USP15: variants seen among roughly 807,000 people sequenced by gnomAD.
The protein encoded by USP15 is ubiquitin carboxyl-terminal hydrolase 15.
USP15 carries 18 observed loss-of-function variants against 127.1 expected under a neutral mutation model. The ratio of observed to expected loss-of-function variants is 0.14; its 90% CI spans 0.10 to 0.21. The LOEUF is 0.21. USP15 is among the 10% of genes least tolerant of loss of function. The probability of loss-of-function intolerance (pLI) is 1.00; values close to 1 mark genes in which losing one functional copy is unlikely to be tolerated. For missense variants in USP15, 805 were observed against 1,159.9 expected, an observed-to-expected ratio of 0.69 and a Z score of 4.44; for synonymous variants, 364 against 393.7, an observed-to-expected ratio of 0.92 and a Z score of 0.89.
At chr12:62,326,824 T>C (rs2137304789) in intron 6 of USP15, among the ~76,000 whole-genome samples, 1 of 152,318 alleles carries the variant, frequency 6.6e-6, no homozygotes, top group African/African-American at 2.4e-5. Flanking sequence ...AATCTGCTAC[T>C]TTATTTGATT....
chr12:62,321,880 G>A (rs763027280), intron 5 of USP15, among the ~76,000 whole-genome samples: 21 of 152,112 alleles, frequency 1.4e-4, no homozygotes, highest in Non-Finnish European at 2.4e-4. Context: ...TTCTGTGAAA[G>A]ACCAAATAGT....
intron 8 of USP15, among the ~76,000 whole-genome samples, chr12:62,378,227 C>T (rs2066890535): frequency 6.6e-6 from 1 of 151,974 alleles, no homozygotes; most frequent in African/African-American, 2.4e-5. Flanking sequence ...ATAAAATGAA[C>T]ATATTGACTC....
intron 11 of USP15, among the ~76,000 whole-genome samples, chr12:62,387,267 T>C (rs1176249965): frequency 6.6e-6 from 1 of 152,160 alleles, no homozygotes; most frequent in Non-Finnish European, 1.5e-5. Context: ...TGAGATTACT[T>C]AAGGCTAAGG....
intron 21 of USP15, among the ~76,000 whole-genome samples, chr12:62,403,616 T>C (rs2067766156): frequency 6.6e-6 from 1 of 151,908 alleles, no homozygotes; most frequent in Non-Finnish European, 1.5e-5. Context: ...TCACCCTGAC[T>C]ATGAGGAAGA....
intron 1 of USP15, among the ~76,000 whole-genome samples, chr12:62,283,905 A>G (rs567553185): frequency 6.6e-6 from 1 of 152,276 alleles, no homozygotes; most frequent in East Asian, 1.9e-4. Context: ...TCGTGCCACC[A>G]CACTCCAGCC....
intron 6 of USP15, among the ~76,000 whole-genome samples, chr12:62,339,051 T>G (rs1253150579): frequency 6.6e-6 from 1 of 151,906 alleles, no homozygotes; most frequent in Non-Finnish European, 1.5e-5. Flanking sequence ...ATCTATAAAT[T>G]ACTTTGGGCA....
rs181695086 is a variant in USP15 at position 62,374,894 on chromosome 12, T to C, written c.916-6596T>C. Among the ~76,000 whole-genome samples the C allele has an allele frequency of 1.7e-4, 26 of 152,064 alleles. 1 individual carries two copies. Among genetic ancestry groups the C allele is most frequent in the Admixed American group, 4.6e-4 (7 of 15,256 alleles). On this transcript the variant is annotated intron_variant, in intron 8 of 21. Transcript: ENST00000280377. Reference sequence around the variant, plus strand: ...CAAGTAATTACATAACAAAAGAAAATCATATTTTGCATAATATTTCAGTTT... The same window carrying C: ...CAAGTAATTACATAACAAAAGAAAACCATATTTTGCATAATATTTCAGTTT...
chr12:62,300,768 A>G (rs1200816781), intron 2 of USP15, among the ~76,000 whole-genome samples: 2 of 152,194 alleles, frequency 1.3e-5, no homozygotes, highest in African/African-American at 4.8e-5. Context: ...AAAATGGATT[A>G]TAGACCTGAA....
intron 3 of USP15, among the ~76,000 whole-genome samples, chr12:62,309,760 A>G (rs2137229708): frequency 6.6e-6 from 1 of 152,126 alleles, no homozygotes; most frequent in Admixed American, 6.6e-5. Context: ...AAGCATTCAT[A>G]ATTTTAGCAG....
intron 6 of USP15, among the ~76,000 whole-genome samples, chr12:62,327,468 G>A (rs2065160227): frequency 6.6e-6 from 1 of 151,940 alleles, no homozygotes. Context: ...CAGAACCACT[G>A]TTGTTTCCTA....
At chr12:62,282,115 C>G (rs1175821594) in intron 1 of USP15, among the ~76,000 whole-genome samples, 1 of 152,048 alleles carries the variant, frequency 6.6e-6, no homozygotes, top group Non-Finnish European at 1.5e-5. Flanking sequence ...GCACCTTGAG[C>G]CCAGGAGCTT....
chr12:62,397,171 A>G lies in USP15; in HGVS notation c.2674+773A>G, dbSNP rs552647767. 2.9e-4 allele frequency among the ~76,000 whole-genome samples: 44 copies of G among 152,362 alleles called. No individual in the cohort carries two copies. The South Asian group carries it at 8.5e-3, about 29-fold the overall frequency. On this transcript the variant is annotated intron_variant, in intron 20 of 21. Coordinates refer to ENST00000280377, the MANE Select transcript of USP15 (RefSeq NM_001252078.2). The stretch of plus-strand genomic sequence containing the variant: ...GTCAGATTTATTTAGGGTTGTTACA[A>G]TTTCATTCATAAGTGAAATGGTTTT...
chr12:62,342,399 A>G (rs532830256), intron 6 of USP15, among the ~76,000 whole-genome samples: 45 of 151,968 alleles, frequency 3.0e-4, no homozygotes, highest in Admixed American at 9.2e-4. Context: ...CCACCTTCTG[A>G]AATCTTTTGT....
chr12:62,265,907 A>G (rs2063181383), intron 1 of USP15, among the ~76,000 whole-genome samples: 1 of 152,204 alleles, frequency 6.6e-6, no homozygotes, highest in Non-Finnish European at 1.5e-5. Context: ...CTTTAAAAAG[A>G]AAAGAACCTA....
chr12:62,399,173 C>CA (rs1288143573), intron 20 of USP15, among the ~76,000 whole-genome samples: 1 of 152,168 alleles, frequency 6.6e-6, no homozygotes, highest in Admixed American at 6.5e-5. Flanking sequence ...TCACAGCACG[C>CA]AAAAGCATTC....
intron 7 of USP15, among the ~76,000 whole-genome samples, chr12:62,353,463 CT>C (rs2066022529): frequency 6.6e-6 from 1 of 151,898 alleles, no homozygotes; most frequent in South Asian, 2.1e-4. Context: ...TGCTTTTAGT[CT>C]TTTCACGTGT....
chr12:62,384,584 G>T (rs2067089509), intron 11 of USP15, among the ~76,000 whole-genome samples: 1 of 151,386 alleles, frequency 6.6e-6, no homozygotes. Context: ...ATTAGCTTAT[G>T]AAGATCAACA....
chr12:62,372,748 A>C lies in USP15; in HGVS notation c.916-8742A>C, dbSNP rs1250988790. Among the ~76,000 whole-genome samples, 89 of 152,074 alleles carry C rather than the reference A, an allele frequency of 5.9e-4. 2 individuals are homozygous for C. The highest frequency in any genetic ancestry group is 5.8e-3 in the Admixed American group (89 of 15,260). ...CTTGCCTAAAAAGTTAATTCTTTTA[A>C]ATTTCATTGTGAGTCAGTTTTGAAT... is the stretch of plus-strand genomic sequence containing the variant. On this transcript the variant is annotated intron_variant, in intron 8 of 21. Coordinates refer to ENST00000280377, the MANE Select transcript of USP15 (RefSeq NM_001252078.2).
intron 16 of USP15, 27 bp from the exon 17 acceptor site, chr12:62,391,789 A>C (rs1592723169): frequency 6.5e-7 from 1 of 1,546,798 alleles, no homozygotes; most frequent in Non-Finnish European, 8.8e-7. Context: ...ATTAAATTTT[A>C]AAGAAAAAAT....
Sources: allele counts gnomAD v4.1 joint callset (sites outside exome capture counted in the v4.1 genomes callset), GRCh38; gene constraint gnomAD v4.1.1; transcripts MANE v1.5; gene names NCBI Gene and HGNC (gene_info 2026-07-23, HGNC 2026-07-21).